NECAB3: variants seen among roughly 807,000 people sequenced by gnomAD.
The protein encoded by NECAB3 is N-terminal EF-hand calcium-binding protein 3.
A neutral mutation model predicts 57.2 loss-of-function variants in NECAB3; 38 were observed. The observed-to-expected ratio is 0.66, with a 90% CI of 0.51 to 0.87. The LOEUF is 0.87. NECAB3 is among the 40% of genes least tolerant of loss of function. The pLI is 0.00. For synonymous variants in NECAB3, 223 were observed against 222.6 expected, an observed-to-expected ratio of 1.00 and a Z score of -0.02; for missense variants, 474 against 527.5, an observed-to-expected ratio of 0.90 and a Z score of 0.99.
chr20:33,661,458 T>C (rs1430855207), intron 5 of NECAB3, among the ~76,000 whole-genome samples: 1 of 152,232 alleles, frequency 6.6e-6, no homozygotes, highest in East Asian at 1.9e-4. Flanking sequence ...GCCAGGCTTA[T>C]GAGCTAGGAG....
At position 33,657,944 on chromosome 20, in the gene NECAB3, G is replaced by T; in HGVS notation, c.1160C>A (p.Pro387Gln). Residue 387 changes from proline to glutamine, a missense_variant and splice_region_variant, in exon 11 of 12, where the codon CCA becomes CAA. Physicochemically the swap from Pro to Gln is moderately conservative, Grantham distance 76. Coordinates refer to ENST00000246190, the MANE Select transcript of NECAB3 (RefSeq NM_031232.4). Reference sequence around the variant, plus strand: ...GTGAGTGGGGGTCCACCGCATACCTGGGAAGAACACAGTGGTGAGGGTGTC... The same window carrying T: ...GTGAGTGGGGGTCCACCGCATACCTTGGAAGAACACAGTGGTGAGGGTGTC... ...APDTLTTVFF[P>Q]ASWWIMNNN 6.4e-7 allele frequency: 1 copy of T among 1,556,288 alleles called. No homozygotes were observed. The highest frequency in any genetic ancestry group is 2.4e-5 in the East Asian group (1 of 41,172).
chr20:33,662,209 C>A, intron 5 of NECAB3: 1 of 1,166,122 alleles, frequency 8.6e-7, no homozygotes, highest in Admixed American at 2.7e-5. Flanking sequence ...AGCCCAGATT[C>A]ACCTGTGGGC....
rs2017841958 is a variant in NECAB3 at position 33,672,209 on chromosome 20, C to G, written c.154+189G>C. The G allele has an allele frequency of 5.9e-6, 4 of 676,318 alleles. No homozygotes were observed. The African/African-American group carries it at 7.2e-5, about 12-fold the overall frequency. 41.9% of individuals were successfully genotyped at this position (676,318 alleles called of 1,614,324 possible). A position where few individuals can be genotyped will look rare whatever the true frequency, so the allele number is the denominator to read the frequency against. On this transcript the variant is annotated intron_variant, in intron 2 of 11. Transcript: ENST00000246190. ...CCGTGGCCAAACCACATTCTCTCCA[C>G]TCTCCATCCTGCCAAACTTGGCTGA...
intron 5 of NECAB3, chr20:33,663,830 C>T: frequency 1.4e-6 from 2 of 1,413,744 alleles, no homozygotes; most frequent in Non-Finnish European, 1.8e-6. Flanking sequence ...GAGGAGCAGC[C>T]GCGCAAACGG....
chr20:33,674,540 C>G, upstream of NECAB3: 1 of 453,604 alleles, frequency 2.2e-6, no homozygotes, highest in Non-Finnish European at 2.9e-6. Flanking sequence ...CGCGGGCCTC[C>G]GCGCTTCCGC....
intron 2 of NECAB3, 146 bp from the exon 3 acceptor site, chr20:33,670,938 G>A: frequency 1.6e-6 from 1 of 616,888 alleles, no homozygotes; most frequent in Non-Finnish European, 2.9e-6. Flanking sequence ...TCAGTGGGGG[G>A]CCTGACTGTT....
At position 33,674,284 on chromosome 20, in the gene NECAB3, G is replaced by A. The variant is rs891139553; in HGVS notation, c.69C>T (p.Thr23=). Residue 23 remains threonine (T), a synonymous_variant, in exon 1 of 12, where the codon ACC becomes ACT. Transcript: ENST00000246190. Reference sequence around the variant, plus strand: ...CGGGCGCGAGCTGGGGGTGCCGCGGGGTCTGGGGCTGGGGCTGGGGCGCGG... The same window carrying A: ...CGGGCGCGAGCTGGGGGTGCCGCGGAGTCTGGGGCTGGGGCTGGGGCGCGG... ...RPPAPQPQPQ[T]PRHPQLAPDP... is the part of the protein sequence containing the mutation. The A allele has an allele frequency of 2.4e-5, 30 of 1,227,896 alleles. No individual in the cohort carries two copies. Among genetic ancestry groups the A allele is most frequent in the Non-Finnish European group, 3.0e-5 (30 of 984,756 alleles). 76.1% of individuals were successfully genotyped at this position (1,227,896 alleles called of 1,614,324 possible).
Position 33,657,822 on chromosome 20 carries a change from G to T in NECAB3, c.*7C>A, listed in dbSNP as rs773729552. ...GTCCCGGGGCCCTCGGCGTGTGCAG[G>T]TCTGGCTCAGTTGTTATTCATTATC... On this transcript the variant is annotated 3_prime_UTR_variant, in exon 12 of 12. Transcript: ENST00000246190. The T allele has an allele frequency of 1.4e-5, 22 of 1,535,622 alleles. No homozygotes were observed. Among genetic ancestry groups the T allele is most frequent in the Non-Finnish European group, 1.7e-5 (19 of 1,138,306 alleles).
At chr20:33,671,414 G>C (rs1246864130) in intron 2 of NECAB3, among the ~76,000 whole-genome samples, 1 of 152,160 alleles carries the variant, frequency 6.6e-6, no homozygotes, top group Non-Finnish European at 1.5e-5. Context: ...ACCCGGGGGA[G>C]GATCTGAACC....
At chr20:33,674,059 A>G in intron 1 of NECAB3, among the ~76,000 whole-genome samples, 165 bp downstream of exon 1, 1 of 152,168 alleles carries the variant, frequency 6.6e-6, no homozygotes, top group East Asian at 1.9e-4. Flanking sequence ...AGACATGGAG[A>G]GACAGAACAG....
Position 33,657,827 on chromosome 20 carries a change from G to T in NECAB3, c.*2C>A, listed in dbSNP as rs1231312720. ...GGGGCCCTCGGCGTGTGCAGGTCTG[G>T]CTCAGTTGTTATTCATTATCCACCA... is the stretch of plus-strand genomic sequence containing the variant. On this transcript the variant is annotated 3_prime_UTR_variant, in exon 12 of 12. Coordinates refer to ENST00000246190, the MANE Select transcript of NECAB3 (RefSeq NM_031232.4). 3.3e-6 allele frequency: 5 copies of T among 1,537,524 alleles called. No homozygotes were observed. Among genetic ancestry groups the T allele is most frequent in the Non-Finnish European group, 4.4e-6 (5 of 1,139,250 alleles).
At chr20:33,663,667 G>T in intron 5 of NECAB3, 3 of 1,575,220 alleles carry the variant, frequency 1.9e-6, no homozygotes, top group African/African-American at 2.7e-5. Flanking sequence ...CGAAGGTAGC[G>T]AGCGCGAGCC....
At chr20:33,663,171 C>T (rs2017535025) in intron 5 of NECAB3, among the ~76,000 whole-genome samples, 1 of 152,206 alleles carries the variant, frequency 6.6e-6, no homozygotes, top group Admixed American at 6.5e-5. Flanking sequence ...CCCTGTCTCC[C>T]TCTCAAATGA....
intron 5 of NECAB3, chr20:33,668,122 G>GT (rs781544438): frequency 1.2e-6 from 2 of 1,611,280 alleles, no homozygotes; most frequent in East Asian, 2.2e-5. Context: ...TGGCATGGCT[G>GT]TGTGGACCGG....
intron 5 of NECAB3, chr20:33,662,062 T>A (rs1282417408): frequency 3.1e-6 from 1 of 324,372 alleles, no homozygotes; most frequent in Admixed American, 4.7e-5. Context: ...AGCAAGTTAG[T>A]AGCAGGGCCA....
chr20:33,659,543 C>A lies in NECAB3; in HGVS notation c.833G>T (p.Arg278Leu), dbSNP rs760396777. 17 of 1,551,962 alleles carry A rather than the reference C, an allele frequency of 1.1e-5. No individual in the cohort carries two copies. The change falls in exon 8 of 12, where the codon CGG becomes CTG. Residue 278 changes from arginine to leucine, a missense_variant. Transcript: ENST00000246190. ...GPHSVPSQAP[R>L]LEPLREEDLA... ...GTCCTCTTCACGCAGGGGTTCCAGCCGGGGGGCCTGTGAGGGCACAGAGTG... is the reference window on the plus strand; with the variant it reads ...GTCCTCTTCACGCAGGGGTTCCAGCAGGGGGGCCTGTGAGGGCACAGAGTG...
rs1397689356 is a variant in NECAB3 at position 33,660,001 on chromosome 20, G to A, written c.527C>T (p.Ser176Leu). The A allele has an allele frequency of 2.5e-6, 4 of 1,574,052 alleles. No homozygotes were observed. Among genetic ancestry groups the A allele is most frequent in the Middle Eastern group, 1.7e-4 (1 of 6,002 alleles). Residue 176 changes from serine (S) to leucine (L), a missense_variant and splice_region_variant, in exon 7 of 12, where the codon TCA becomes TTA. Coordinates refer to ENST00000246190, the MANE Select transcript of NECAB3 (RefSeq NM_031232.4). This position sits in a 1 kb window ranked among gnomAD's most constrained non-coding sequence, Gnocchi z 4.1. ...TLEAQAHGWR[S>L]DAESVEAQSR... ...CTGCGCCTCCACGCTCTCTGCATCT[G>A]ACCTAGAGGAAGTGAGGCTCACAGG...
intron 5 of NECAB3, chr20:33,664,085 A>AC: frequency 2.1e-6 from 1 of 480,010 alleles, no homozygotes; most frequent in Non-Finnish European, 3.6e-6. Flanking sequence ...TCAGAACAGA[A>AC]CCCCAAACCT....
At chr20:33,667,699 T>C (rs1198026460) in intron 5 of NECAB3, 29 of 1,611,984 alleles carry the variant, frequency 1.8e-5, no homozygotes, top group Non-Finnish European at 2.4e-5. Context: ...CCCTGACCTC[T>C]TGCAGCAGGC....
Sources: gnomAD v4.1 joint callset for allele counts (sites outside exome capture counted in the v4.1 genomes callset) on GRCh38, gnomAD v4.1.1 for gene constraint, Gnocchi (gnomAD v3.1) non-coding constraint, MANE v1.5 for transcripts, NCBI Gene and HGNC (gene_info 2026-07-23, HGNC 2026-07-21) for gene names.